Variants in NRG3 observed in about 807,000 individuals in gnomAD.
NRG3 encodes pro-neuregulin-3, membrane-bound isoform.
A neutral mutation model predicts 66.9 loss-of-function variants in NRG3; 31 were observed. The ratio of observed to expected loss-of-function variants is 0.46; its 90% CI spans 0.35 to 0.63. The LOEUF (loss-of-function observed/expected upper bound fraction) is 0.63, where lower values mean the gene tolerates loss of function less well. Ranked by LOEUF, NRG3 falls within the 20% of genes least tolerant of loss-of-function variation. The pLI is 0.00. For missense variants in NRG3, 910 were observed against 878.9 expected, an observed-to-expected ratio of 1.04 and a Z score of -0.45; for synonymous variants, 393 against 359.4, an observed-to-expected ratio of 1.09 and a Z score of -1.06.
chr10:82,724,145 C>A (rs2057462724), intron 2 of NRG3, among the ~76,000 whole-genome samples: 5 of 150,314 alleles, frequency 3.3e-5, no homozygotes, highest in Admixed American at 3.3e-4. Context: ...CCCTGGTTTT[C>A]CCCCAACAAA....
chr10:82,375,605 G>A (rs1170446879), intron 2 of NRG3, among the ~76,000 whole-genome samples: 1 of 151,760 alleles, frequency 6.6e-6, no homozygotes, highest in African/African-American at 2.4e-5. Context: ...ATGACAAAAC[G>A]CCAAAACGCT....
At chr10:82,683,845 A>T (rs991190094) in intron 2 of NRG3, among the ~76,000 whole-genome samples, 3 of 152,228 alleles carry the variant, frequency 2.0e-5, no homozygotes, top group African/African-American at 7.2e-5. Context: ...CTAGAAAACA[A>T]CTTTCTTACT....
At chr10:82,983,147 T>A (rs1353606841) in intron 8 of NRG3, among the ~76,000 whole-genome samples, 2 of 152,186 alleles carry the variant, frequency 1.3e-5, no homozygotes, top group Non-Finnish European at 2.9e-5. Context: ...TATACCCTGA[T>A]GATATTTGTG....
At chr10:82,021,178 G>A (rs182129582) in intron 1 of NRG3, among the ~76,000 whole-genome samples, 66 of 152,096 alleles carry the variant, frequency 4.3e-4, no homozygotes, top group African/African-American at 1.4e-3. Flanking sequence ...CTGACCTTTG[G>A]GTCAGGGCAT....
chr10:82,006,257 CT>C (rs1451051598), intron 1 of NRG3, among the ~76,000 whole-genome samples: 1 of 151,962 alleles, frequency 6.6e-6, no homozygotes, highest in Non-Finnish European at 1.5e-5. Context: ...ATTTGAGTGT[CT>C]TATGTCAACT....
At chr10:82,623,294 G>A (rs2049170313) in intron 2 of NRG3, among the ~76,000 whole-genome samples, 1 of 152,130 alleles carries the variant, frequency 6.6e-6, no homozygotes, top group Admixed American at 6.6e-5. Flanking sequence ...ATTGGTCTCT[G>A]AGCCCCAGCC....
intron 1 of NRG3, among the ~76,000 whole-genome samples, chr10:82,241,633 A>G (rs1257906491): frequency 6.6e-6 from 1 of 152,168 alleles, no homozygotes; most frequent in Non-Finnish European, 1.5e-5. Context: ...GAAGTAAAAT[A>G]ATTGGCCTTT....
At chr10:82,712,053 AT>A in intron 2 of NRG3, among the ~76,000 whole-genome samples, 1 of 152,282 alleles carries the variant, frequency 6.6e-6, no homozygotes, top group Non-Finnish European at 1.5e-5. Flanking sequence ...CCTTCATGAA[AT>A]TTTATAATTC....
At chr10:82,186,993 C>A (rs527676871) in intron 1 of NRG3, among the ~76,000 whole-genome samples, 3 of 152,160 alleles carry the variant, frequency 2.0e-5, no homozygotes, top group Non-Finnish European at 4.4e-5. Flanking sequence ...CTTACCTGAT[C>A]TTACTTTCCA....
In NRG3 at chr10:82,401,444, TAGAG is replaced by T. The variant is rs527394230; in HGVS notation, c.953+42580_953+42583del. ...TTGATATCTATCTTTTGCTTCTAGA[TAGAG>T]AGAAGTATGCACAGATTCTATACAG... On this transcript the variant is annotated intron_variant, in intron 2 of 8. Coordinates refer to ENST00000372141, the MANE Select transcript of NRG3 (RefSeq NM_001010848.4). Among the ~76,000 whole-genome samples the T allele has an allele frequency of 2.0e-4, 30 of 152,178 alleles. 1 individual carries two copies. The East Asian group carries it at 2.7e-3, about 14-fold the overall frequency.
At chr10:82,493,699 T>C (rs562303299) in intron 2 of NRG3, among the ~76,000 whole-genome samples, 3 of 152,286 alleles carry the variant, frequency 2.0e-5, no homozygotes, top group Admixed American at 2.0e-4. Context: ...AAAGATTTCA[T>C]GATGAAAGTG....
At chr10:82,094,166 G>A (rs987262081) in intron 1 of NRG3, among the ~76,000 whole-genome samples, 3 of 152,124 alleles carry the variant, frequency 2.0e-5, no homozygotes, top group Non-Finnish European at 4.4e-5. Context: ...ATTTAAATAT[G>A]TCTACATAAT....
chr10:81,926,471 T>C (rs990999615), intron 1 of NRG3, among the ~76,000 whole-genome samples: 2 of 152,110 alleles, frequency 1.3e-5, no homozygotes, highest in Admixed American at 6.6e-5. Flanking sequence ...GAGAGTGATA[T>C]AGAGAATTTA....
At chr10:82,948,431 G>A (rs1849222337) in intron 4 of NRG3, among the ~76,000 whole-genome samples, 1 of 151,966 alleles carries the variant, frequency 6.6e-6, no homozygotes, top group South Asian at 2.1e-4. Context: ...AAAACATTTA[G>A]AATTGGCTTG....
chr10:81,949,785 A>G (rs1022729007), intron 1 of NRG3, among the ~76,000 whole-genome samples: 2 of 152,172 alleles, frequency 1.3e-5, no homozygotes, highest in Non-Finnish European at 2.9e-5. Context: ...ACTTGTGGAG[A>G]TATTCAGAAA....
chr10:82,284,661 C>A (rs1450218034), intron 1 of NRG3, among the ~76,000 whole-genome samples: 1 of 152,184 alleles, frequency 6.6e-6, no homozygotes, highest in African/African-American at 2.4e-5. Flanking sequence ...TTAAAAAAAT[C>A]TCTTTTCAAT....
intron 2 of NRG3, among the ~76,000 whole-genome samples, chr10:82,521,678 A>G (rs773965057): frequency 1.3e-5 from 2 of 152,156 alleles, no homozygotes; most frequent in Non-Finnish European, 2.9e-5. Flanking sequence ...GAAGGTCGCT[A>G]CATTGACTGA....
intron 2 of NRG3, among the ~76,000 whole-genome samples, chr10:82,553,699 C>CA (rs757749293): frequency 2.6e-5 from 4 of 152,018 alleles, no homozygotes; most frequent in East Asian, 3.9e-4. Context: ...GAGAATAACT[C>CA]ACGGAAGTCT....
At chr10:82,632,154 C>A (rs780623889) in intron 2 of NRG3, among the ~76,000 whole-genome samples, 6 of 152,076 alleles carry the variant, frequency 3.9e-5, no homozygotes, top group Admixed American at 2.0e-4. Context: ...ATCCTTTTCC[C>A]AGACTCAGCT....
Sources: allele counts gnomAD v4.1 joint callset (sites outside exome capture counted in the v4.1 genomes callset), GRCh38; gene constraint gnomAD v4.1.1; transcripts MANE v1.5; gene names NCBI Gene and HGNC (gene_info 2026-07-23, HGNC 2026-07-21).